The following KDM7A variants were observed in gnomAD, a reference collection of about 807,000 sequenced individuals.
KDM7A encodes lysine-specific demethylase 7A.
KDM7A carries 28 observed loss-of-function variants against 114.8 expected under a neutral mutation model. That is an observed-to-expected ratio of 0.24 (90% CI 0.18 to 0.33). The LOEUF (loss-of-function observed/expected upper bound fraction) is 0.33, where lower values mean the gene tolerates loss of function less well. Ranked by LOEUF, KDM7A falls within the 10% of genes least tolerant of loss-of-function variation. The probability of loss-of-function intolerance (pLI) is 1.00; values close to 1 mark genes in which losing one functional copy is unlikely to be tolerated. For synonymous variants in KDM7A, 423 were observed against 397.8 expected (o/e 1.06, Z -0.75); for missense variants, 942 against 1,142.5 (o/e 0.82, Z 2.53).
intron 13 of KDM7A, 129 bp from the exon 14 acceptor site, chr7:140,099,162 T>A (rs1190979877): frequency 2.7e-6 from 2 of 733,266 alleles, no homozygotes; most frequent in Admixed American, 5.8e-5. Context: ...CATTCAACTG[T>A]GCAATAGTAT....
At chr7:140,140,479 G>C (rs1794253867) in intron 1 of KDM7A, among the ~76,000 whole-genome samples, 1 of 152,116 alleles carries the variant, frequency 6.6e-6, no homozygotes, top group Non-Finnish European at 1.5e-5. Flanking sequence ...GTCACTCTGA[G>C]ATTAAGAACA....
Position 140,145,928 on chromosome 7 carries a change from C to T in KDM7A, c.195-6738G>A, listed in dbSNP as rs141475655. Among the ~76,000 whole-genome samples, 1,012 of 152,298 alleles carry T rather than the reference C, an allele frequency of 6.6e-3. 5 individuals are homozygous for T. The highest frequency in any genetic ancestry group is 0.023 in the African/African-American group (963 of 41,572). On this transcript the variant is annotated intron_variant, in intron 1 of 19. Transcript: ENST00000397560. ...TTAGGGAAAAAAGGGGAGAAAGGGA[C>T]ATTTCAATTAGTTAAGAACACCTTG...
chr7:140,124,655 C>A lies in KDM7A; in HGVS notation c.1017G>T (p.Val339=). Residue 339 remains valine, a synonymous_variant, in exon 7 of 20, where the codon GTG becomes GTT. Transcript: ENST00000397560. ...GDKVDKCYKC[V]VKQGHTLFVP... ...CAAATAAGGTATGTCCCTGCTTTAC[C>A]ACACATTTGTAGCATTTATCCACCT... 6.2e-7 allele frequency: 1 copy of A among 1,613,182 alleles called. No homozygotes were observed. Among genetic ancestry groups the A allele is most frequent in the South Asian group, 1.1e-5 (1 of 90,890 alleles).
At chr7:140,156,959 T>C (rs1794464366) in intron 1 of KDM7A, among the ~76,000 whole-genome samples, 1 of 152,244 alleles carries the variant, frequency 6.6e-6, no homozygotes, top group African/African-American at 2.4e-5. Flanking sequence ...ATACTCACCC[T>C]CTGCTCCATT....
At chr7:140,139,327 T>C (rs1794229924) in intron 1 of KDM7A, 137 bp from the exon 2 acceptor site, 2 of 594,630 alleles carry the variant, frequency 3.4e-6, no homozygotes, top group South Asian at 2.1e-5. Flanking sequence ...GAAACACATA[T>C]AAAGATAAAT....
At chr7:140,120,113 A>G (rs1163405142) in intron 8 of KDM7A, among the ~76,000 whole-genome samples, 2 of 152,222 alleles carry the variant, frequency 1.3e-5, no homozygotes, top group East Asian at 3.8e-4. Context: ...CATATGTCAC[A>G]TCTGAGTCTG....
chr7:140,153,736 T>C (rs1473972492), intron 1 of KDM7A, among the ~76,000 whole-genome samples: 3 of 152,236 alleles, frequency 2.0e-5, no homozygotes, highest in Non-Finnish European at 4.4e-5. Flanking sequence ...TGGCTGCCTG[T>C]CTAGAGTTCC....
intron 3 of KDM7A, among the ~76,000 whole-genome samples, chr7:140,130,095 A>C (rs1374920081): frequency 2.0e-5 from 3 of 152,198 alleles, no homozygotes; most frequent in Non-Finnish European, 4.4e-5. Flanking sequence ...AAAAGAAAAA[A>C]AAAATCTGAA....
rs376021602 is a variant in KDM7A at position 140,092,666 on chromosome 7, C to T, written c.2458-589G>A. Among the ~76,000 whole-genome samples the T allele has an allele frequency of 4.6e-5, 7 of 152,164 alleles. No homozygotes were observed. In the East Asian group the frequency reaches 9.6e-4, roughly 21 times the overall value. On this transcript the variant is annotated intron_variant, in intron 18 of 19. Coordinates refer to ENST00000397560, the MANE Select transcript of KDM7A (RefSeq NM_030647.2). Reference sequence around the variant, plus strand: ...TTAACTGAGAGGGTTATAACCAGCACTAAAAAGAGAAAGGAACAGACTAGA... The same window carrying T: ...TTAACTGAGAGGGTTATAACCAGCATTAAAAAGAGAAAGGAACAGACTAGA...
Position 140,084,878 on chromosome 7 carries a change from T to A in KDM7A, c.*6216A>T, listed in dbSNP as rs556834507. On this transcript the variant is annotated 3_prime_UTR_variant, in exon 20 of 20. Coordinates refer to ENST00000397560, the MANE Select transcript of KDM7A (RefSeq NM_030647.2). ...AATCAAAACAGAAGTAATACAATTT[T>A]AATTTCAATATTTTAAAATACAGAA... 6 of 152,378 alleles carry A rather than the reference T, an allele frequency of 3.9e-5. No homozygotes were observed. In the South Asian group the frequency reaches 1.2e-3, roughly 32 times the overall value. The allele number at this position is 152,378 out of a possible 1,614,324, so 9.4% of individuals were successfully genotyped here.
intron 11 of KDM7A, among the ~76,000 whole-genome samples, chr7:140,104,447 A>G (rs1043249574): frequency 4.6e-5 from 7 of 152,174 alleles, no homozygotes; most frequent in Non-Finnish European, 1.0e-4. Flanking sequence ...TAGGTCTACT[A>G]TTTAAGTCTT....
rs563998876 is a variant in KDM7A at position 140,130,552 on chromosome 7, C to T, written c.399-899G>A. 1.4e-3 allele frequency among the ~76,000 whole-genome samples: 200 copies of T among 146,494 alleles called. 2 individuals carry two copies. The highest frequency in any genetic ancestry group is 4.8e-3 in the African/African-American group (191 of 39,592). ...AGGAGAATCGCTTGAACCTGGGAGA[C>T]GGAGGTTGCAGTGAGCCGAGATCTC... On this transcript the variant is annotated intron_variant, in intron 3 of 19. Coordinates refer to ENST00000397560, the MANE Select transcript of KDM7A (RefSeq NM_030647.2).
chr7:140,107,084 G>A (rs1818350700), intron 11 of KDM7A, among the ~76,000 whole-genome samples: 1 of 152,122 alleles, frequency 6.6e-6, no homozygotes. Flanking sequence ...TCAGAGACTA[G>A]GATTGCAACC....
In KDM7A at chr7:140,099,958, A is replaced by T. The variant is rs769437970; in HGVS notation, c.1704T>A (p.Pro568=). 1.9e-5 allele frequency: 30 copies of T among 1,610,816 alleles called. No homozygotes were observed. The highest frequency in any genetic ancestry group is 1.6e-4 in the Middle Eastern group (1 of 6,074). The change falls in exon 13 of 20, where the codon CCT becomes CCA. Residue 568 remains proline, a synonymous_variant. Transcript: ENST00000397560. ...NKHLQPSSTV[P]EWRAKDNDLR... is the part of the protein sequence containing the mutation. ...GATCATTATCTTTCGCTCTCCATTCAGGTACTGTGGAGGATGGTTGGAGAT... is the reference window on the plus strand; with the variant it reads ...GATCATTATCTTTCGCTCTCCATTCTGGTACTGTGGAGGATGGTTGGAGAT...
intron 1 of KDM7A, among the ~76,000 whole-genome samples, chr7:140,160,790 A>G (rs1021017002): frequency 1.3e-5 from 2 of 152,210 alleles, no homozygotes; most frequent in Admixed American, 6.5e-5. Context: ...GGATGCCCAC[A>G]AAGGCAAAGA....
chr7:140,096,084 G>C (rs185380603), intron 17 of KDM7A, among the ~76,000 whole-genome samples: 1 of 152,240 alleles, frequency 6.6e-6, no homozygotes, highest in East Asian at 1.9e-4. Context: ...AAAACACTAT[G>C]TGGCATGCCT....
chr7:140,092,934 T>C (rs1363463694), intron 18 of KDM7A, among the ~76,000 whole-genome samples: 1 of 152,226 alleles, frequency 6.6e-6, no homozygotes, highest in Non-Finnish European at 1.5e-5. Flanking sequence ...AGATTTCTTA[T>C]GACCTTTGAC....
chr7:140,147,417 GCT>G (rs1256487199), intron 1 of KDM7A, among the ~76,000 whole-genome samples: 1 of 152,152 alleles, frequency 6.6e-6, no homozygotes, highest in African/African-American at 2.4e-5. Context: ...AAAACGGAAA[GCT>G]CTTTCAACAT....
chr7:140,103,463 C>G (rs374348177), intron 11 of KDM7A, among the ~76,000 whole-genome samples: 30 of 148,354 alleles, frequency 2.0e-4, no homozygotes, highest in South Asian at 8.7e-4. Flanking sequence ...CCCTCCCCCC[C>G]CCTCCAACCC....
Sources: allele counts gnomAD v4.1 joint callset (sites outside exome capture counted in the v4.1 genomes callset), GRCh38; gene constraint gnomAD v4.1.1; transcripts MANE v1.5; gene names NCBI Gene and HGNC (gene_info 2026-07-23, HGNC 2026-07-21).